The following FHAD1 variants were observed in gnomAD, a reference collection of about 807,000 sequenced individuals.
The protein encoded by FHAD1 is forkhead associated phosphopeptide binding domain 1, also known as forkhead-associated domain-containing protein 1.
A neutral mutation model predicts 191.3 loss-of-function variants in FHAD1; 146 were observed. The observed-to-expected ratio is 0.76, with a 90% CI of 0.67 to 0.88. The LOEUF is 0.88. Among genes scored for constraint, FHAD1 ranks in the 40% least tolerant of loss-of-function variants. The probability of loss-of-function intolerance (pLI) is 0.00; values close to 1 mark genes in which losing one functional copy is unlikely to be tolerated. For synonymous variants in FHAD1, 616 were observed against 672.3 expected (o/e 0.92, Z 1.29); for missense variants, 1,635 against 1,785.8 (o/e 0.92, Z 1.52).
chr1:15,314,149 C>T (rs1487899671), intron 8 of FHAD1, among the ~76,000 whole-genome samples: 1 of 151,526 alleles, frequency 6.6e-6, no homozygotes, highest in Non-Finnish European at 1.5e-5. Context: ...AATCCTGAAC[C>T]TATAGGATTT....
chr1:15,332,001 C>A (rs1181079036), intron 14 of FHAD1, among the ~76,000 whole-genome samples: 1 of 152,122 alleles, frequency 6.6e-6, no homozygotes, highest in Non-Finnish European at 1.5e-5. Flanking sequence ...AGAGAGCCTG[C>A]ATCAATTTTA....
intron 26 of FHAD1, among the ~76,000 whole-genome samples, chr1:15,371,606 T>C (rs894449507): frequency 2.6e-5 from 4 of 152,202 alleles, no homozygotes; most frequent in Non-Finnish European, 5.9e-5. Flanking sequence ...AATGCATGGC[T>C]ACCCCTGTGC....
Position 15,276,791 on chromosome 1 carries a change from CAAA to C in FHAD1, c.300+4273_300+4275del, listed in dbSNP as rs372488607. 7.2e-6 allele frequency among the ~76,000 whole-genome samples: 1 copy of C among 138,946 alleles called. No homozygotes were observed. 91.2% of individuals were successfully genotyped at this position (138,946 alleles called of 152,430 possible). On this transcript the variant is annotated intron_variant, in intron 3 of 33. Transcript: ENST00000688493. This position sits in a 1 kb window ranked among gnomAD's most constrained non-coding sequence, Gnocchi z 4.7. ...CCTGGGCAACAGAGTGAGACTCTCTCAAAAAAAAAAAAAGTATAGCCTAGGGCC... is the reference window on the plus strand; with the variant it reads ...CCTGGGCAACAGAGTGAGACTCTCTCAAAAAAAAAAGTATAGCCTAGGGCC...
intron 14 of FHAD1, among the ~76,000 whole-genome samples, chr1:15,338,900 T>G (rs758891701): frequency 3.3e-5 from 5 of 152,140 alleles, no homozygotes; most frequent in Non-Finnish European, 5.9e-5. Context: ...TCCCCCACAC[T>G]CAGCACCATG....
chr1:15,390,710 C>A (rs1703783932), intron 32 of FHAD1, among the ~76,000 whole-genome samples: 1 of 152,180 alleles, frequency 6.6e-6, no homozygotes, highest in Non-Finnish European at 1.5e-5. Context: ...GTAAACCAAA[C>A]CCCAGGGAAA....
intron 33 of FHAD1, among the ~76,000 whole-genome samples, chr1:15,392,474 G>A (rs1331206498): frequency 1.3e-5 from 2 of 152,128 alleles, no homozygotes; most frequent in East Asian, 3.9e-4. Flanking sequence ...GGAGCTTGCA[G>A]TGAGCCGAGA....
At chr1:15,378,557 A>G (rs1700180334) in intron 28 of FHAD1, among the ~76,000 whole-genome samples, 2 of 152,202 alleles carry the variant, frequency 1.3e-5, no homozygotes, top group South Asian at 4.1e-4. Flanking sequence ...GATGCAGTTG[A>G]GGGAGCTGGA....
At chr1:15,294,468 A>C (rs1433241644) in intron 4 of FHAD1, among the ~76,000 whole-genome samples, 2 of 152,114 alleles carry the variant, frequency 1.3e-5, no homozygotes, top group Admixed American at 6.5e-5. Flanking sequence ...ATCTTGGCTC[A>C]CTGCAACCTC....
chr1:15,304,306 T>C (rs1179028805), intron 6 of FHAD1, among the ~76,000 whole-genome samples: 1 of 152,252 alleles, frequency 6.6e-6, no homozygotes, highest in East Asian at 1.9e-4. Context: ...TATTACACAG[T>C]GTAATAGGCA....
intron 28 of FHAD1, among the ~76,000 whole-genome samples, 153 bp downstream of exon 28, chr1:15,375,883 C>T (rs1699431465): frequency 6.6e-6 from 1 of 152,116 alleles, no homozygotes; most frequent in Non-Finnish European, 1.5e-5. Flanking sequence ...CGACCATACC[C>T]GTTGTCCAGG....
intron 5 of FHAD1, among the ~76,000 whole-genome samples, chr1:15,297,803 G>A (rs988244716): frequency 4.0e-5 from 6 of 151,882 alleles, no homozygotes; most frequent in South Asian, 2.1e-4. Context: ...TAGTTTTTTT[G>A]CTTGTTTGTT....
chr1:15,385,730 G>T (rs72879944), intron 31 of FHAD1, among the ~76,000 whole-genome samples: 1 of 152,032 alleles, frequency 6.6e-6, no homozygotes, highest in Non-Finnish European at 1.5e-5. Context: ...AGCTATGATC[G>T]CACCACTGCC....
At chr1:15,353,372 A>G (rs1030836958) in intron 20 of FHAD1, among the ~76,000 whole-genome samples, 2 of 151,956 alleles carry the variant, frequency 1.3e-5, no homozygotes, top group South Asian at 4.2e-4. Context: ...CTTCTCTACT[A>G]CACTTCAGCT....
rs576069853 is a variant in FHAD1 at position 15,355,455 on chromosome 1, G to A, written c.2562+2471G>A. 9.3e-4 allele frequency among the ~76,000 whole-genome samples: 142 copies of A among 152,186 alleles called. 3 individuals carry two copies. Among genetic ancestry groups the A allele is most frequent in the African/African-American group, 3.2e-3 (132 of 41,516 alleles). ...AAATAGGAAAGGGAGAGAGGAGAGA[G>A]GAAAGGAATTTCAAACGCATGGGAC... On this transcript the variant is annotated intron_variant, in intron 20 of 33. Coordinates refer to ENST00000688493, the MANE Select transcript of FHAD1 (RefSeq NM_001391957.1).
intron 2 of FHAD1, among the ~76,000 whole-genome samples, chr1:15,252,890 T>G (rs1646958828): frequency 6.6e-6 from 1 of 152,198 alleles, no homozygotes; most frequent in Non-Finnish European, 1.5e-5. Flanking sequence ...TTGAGCCTTT[T>G]TAAACATGGA....
chr1:15,282,370 G>A (rs1175292355), intron 3 of FHAD1, among the ~76,000 whole-genome samples: 7 of 152,084 alleles, frequency 4.6e-5, no homozygotes, highest in Non-Finnish European at 8.8e-5. Context: ...AAAATATGCA[G>A]GACTCTTTAT....
At chr1:15,245,249 G>A (rs1199360716), upstream of FHAD1, among the ~76,000 whole-genome samples, 1 of 152,202 alleles carries the variant, frequency 6.6e-6, no homozygotes, top group African/African-American at 2.4e-5. Context: ...ACTATAGCAA[G>A]TGGCAAAAAG....
intron 1 of FHAD1, among the ~76,000 whole-genome samples, chr1:15,241,884 C>T (rs1645417194): frequency 6.6e-6 from 1 of 152,042 alleles, no homozygotes; most frequent in South Asian, 2.1e-4. Flanking sequence ...CTATAAAGTG[C>T]AATTATGACC....
chr1:15,236,875 TGTC>T (rs796423208), intron 1 of FHAD1, among the ~76,000 whole-genome samples: 37 of 152,336 alleles, frequency 2.4e-4, no homozygotes, highest in African/African-American at 8.7e-4. Flanking sequence ...AATCCACACA[TGTC>T]GTGGAAGGGA....
Sources: allele counts gnomAD v4.1 joint callset (sites outside exome capture counted in the v4.1 genomes callset), GRCh38; gene constraint gnomAD v4.1.1; non-coding constraint Gnocchi (gnomAD v3.1); transcripts MANE v1.5; gene names NCBI Gene and HGNC (gene_info 2026-07-23, HGNC 2026-07-21).